The following ZFHX3 variants were observed in gnomAD, a reference collection of about 807,000 sequenced individuals.
ZFHX3 encodes the protein zinc finger homeobox protein 3.
Under a neutral mutation model 279.1 loss-of-function variants are expected in ZFHX3, and 42 were observed. The ratio of observed to expected loss-of-function variants is 0.15; its 90% CI spans 0.12 to 0.19. The LOEUF is 0.19. Among genes scored for constraint, ZFHX3 ranks in the 10% least tolerant of loss-of-function variants. The probability of loss-of-function intolerance (pLI) is 1.00; values close to 1 mark genes in which losing one functional copy is unlikely to be tolerated. For synonymous variants in ZFHX3, 2,293 were observed against 1,957.8 expected (o/e 1.17, Z -4.52); for missense variants, 4,981 against 4,754.0 (o/e 1.05, Z -1.40).
At chr16:73,310,879 G>A (rs1280280681) in intron 4 of ZFHX3, among the ~76,000 whole-genome samples, 3 of 151,830 alleles carry the variant, frequency 2.0e-5, no homozygotes, top group Admixed American at 2.0e-4. Flanking sequence ...AAGAATCAAA[G>A]CTGTGTATAC....
intron 5 of ZFHX3, among the ~76,000 whole-genome samples, chr16:73,178,425 C>T (rs1967715259): frequency 6.6e-6 from 1 of 152,146 alleles, no homozygotes; most frequent in African/African-American, 2.4e-5. Context: ...AGGCGTGAGC[C>T]ACCGCGCCTG....
At chr16:73,813,255 C>G (rs570595887) in intron 1 of ZFHX3, among the ~76,000 whole-genome samples, 1 of 144,222 alleles carries the variant, frequency 6.9e-6, no homozygotes, top group East Asian at 2.0e-4. Context: ...CTCTCTCTCT[C>G]TGTTAAGTTA....
chr16:72,852,685 A>G (rs1034304704), intron 4 of ZFHX3, among the ~76,000 whole-genome samples: 1 of 152,208 alleles, frequency 6.6e-6, no homozygotes, highest in African/African-American at 2.4e-5. Flanking sequence ...TTTTATAAAA[A>G]GTTTCCTTTT....
rs749169446 is a variant in ZFHX3 at position 72,958,016 on chromosome 16, G to A, written c.2130C>T (p.His710=). The A allele has an allele frequency of 5.0e-6, 8 of 1,607,484 alleles. No homozygotes were observed. The highest frequency in any genetic ancestry group is 3.3e-5 in the South Asian group (3 of 90,340). Residue 710 remains histidine, a synonymous_variant, in exon 2 of 10, where the codon CAC becomes CAT. Coordinates refer to ENST00000268489, the MANE Select transcript of ZFHX3 (RefSeq NM_006885.4). The stretch of plus-strand genomic sequence containing the variant: ...AGCTCTCGCCTCGTGCCAGCCGGGG[G>A]TGGGGCTGCCCGCTTTTGCAGTAGA... The part of the protein sequence containing the change: ...SCVYCKSGQP[H]PRLARGESYT...
chr16:73,692,034 T>C (rs1365427925), intron 1 of ZFHX3, among the ~76,000 whole-genome samples: 21 of 152,222 alleles, frequency 1.4e-4, no homozygotes, highest in Admixed American at 1.4e-3. Flanking sequence ...TGTTTTCAGA[T>C]TGACCTTTTC....
intron 2 of ZFHX3, among the ~76,000 whole-genome samples, chr16:73,642,987 G>T (rs899355005): frequency 2.6e-5 from 4 of 152,120 alleles, no homozygotes; most frequent in African/African-American, 9.7e-5. Flanking sequence ...GCCAACAATA[G>T]AATTTGAAGA....
chr16:73,266,969 A>G (rs533827868), intron 4 of ZFHX3, among the ~76,000 whole-genome samples: 5 of 152,330 alleles, frequency 3.3e-5, no homozygotes, highest in Admixed American at 2.0e-4. Flanking sequence ...TGGGTACTGC[A>G]AGGCAGAAAG....
intron 2 of ZFHX3, among the ~76,000 whole-genome samples, chr16:73,673,325 G>A (rs1438783980): frequency 6.6e-6 from 1 of 151,986 alleles, no homozygotes; most frequent in Non-Finnish European, 1.5e-5. Flanking sequence ...ATTATGCTGT[G>A]TAACCTACAT....
intron 3 of ZFHX3, among the ~76,000 whole-genome samples, chr16:73,325,191 G>A (rs1567450965): frequency 1.3e-5 from 2 of 152,008 alleles, no homozygotes; most frequent in Non-Finnish European, 2.9e-5. Context: ...GGTGCCATGA[G>A]GATGGGGAGA....
At position 72,787,664 on chromosome 16, in the gene ZFHX3, G is replaced by C. The variant is rs2035465770; in HGVS notation, c.10612C>G (p.Leu3538Val). 2 of 1,573,492 alleles carry C rather than the reference G, an allele frequency of 1.3e-6. No homozygotes were observed. The highest frequency in any genetic ancestry group is 1.7e-6 in the Non-Finnish European group (2 of 1,159,490). The change falls in exon 10 of 10, where the codon CTC (leucine) becomes GTC (valine). Residue 3538 changes from leucine (L) to valine (V), a missense_variant. Leu to Val is a conservative substitution (Grantham distance 32). Coordinates refer to ENST00000268489, the MANE Select transcript of ZFHX3 (RefSeq NM_006885.4). ...TGACTCAGAGCTTCCTCCCCACAGAGCGCGCTCTCGCACGCCAGGCAGTGG... is the reference window on the plus strand; with the variant it reads ...TGACTCAGAGCTTCCTCCCCACAGACCGCGCTCTCGCACGCCAGGCAGTGG... ...SYHCLACESA[L>V]CGEEALSQHL...
chr16:73,796,459 G>A (rs1959991285), intron 1 of ZFHX3: 1 of 152,220 alleles, frequency 6.6e-6, no homozygotes, highest in South Asian at 2.1e-4. Flanking sequence ...TTTCCAATAA[G>A]AGAGACCAAC....
chr16:73,567,315 G>A (rs2020465829), intron 2 of ZFHX3, among the ~76,000 whole-genome samples: 1 of 152,070 alleles, frequency 6.6e-6, no homozygotes, highest in African/African-American at 2.4e-5. Flanking sequence ...AGGTAGACAT[G>A]AATTCTGGGG....
Position 73,487,789 on chromosome 16 carries a change from A to G in ZFHX3, c.-1546-31531T>C, listed in dbSNP as rs141860052. 8.6e-3 allele frequency: 1,370 copies of G among 158,812 alleles called. 25 individuals carry two copies. The highest frequency in any genetic ancestry group is 0.031 in the African/African-American group (1,289 of 41,652). The allele number at this position is 158,812 out of a possible 1,614,324, so 9.8% of individuals were successfully genotyped here. A position where few individuals can be genotyped will look rare whatever the true frequency, so the allele number is the denominator to read the frequency against. On this transcript the variant is annotated intron_variant, in intron 2 of 17. Coordinates refer to the ZFHX3 transcript ENST00000641206. ...GGCTGATGGGACTTTAGCAAATGTG[A>G]TGCAAGCAGAAGTTTGAAAAGTGCT...
At chr16:73,469,818 A>G (rs1405690915) in intron 2 of ZFHX3, among the ~76,000 whole-genome samples, 1 of 152,006 alleles carries the variant, frequency 6.6e-6, no homozygotes, top group Non-Finnish European at 1.5e-5. Context: ...GGGTTTCACC[A>G]TCTTGGTCAG....
At chr16:73,189,186 G>A (rs1967977931) in intron 5 of ZFHX3, among the ~76,000 whole-genome samples, 1 of 152,196 alleles carries the variant, frequency 6.6e-6, no homozygotes, top group African/African-American at 2.4e-5. Context: ...CTAAGAGGCA[G>A]TATGTTATCC....
chr16:73,098,933 A>G (rs1966198999), intron 7 of ZFHX3: 1 of 152,210 alleles, frequency 6.6e-6, no homozygotes, highest in African/African-American at 2.4e-5. Context: ...CTTCTCAGGT[A>G]TGCTAAAGAA....
chr16:73,346,946 A>G (rs545788546), intron 3 of ZFHX3, among the ~76,000 whole-genome samples: 1 of 152,326 alleles, frequency 6.6e-6, no homozygotes, highest in East Asian at 1.9e-4. Flanking sequence ...GATGATTCCA[A>G]TTAATCTTCA....
chr16:72,987,140 AACAAAGTGAG>A (rs1962882592), intron 1 of ZFHX3, among the ~76,000 whole-genome samples: 1 of 152,200 alleles, frequency 6.6e-6, no homozygotes. Context: ...CAGCCTGGGC[AACAAAGTGAG>A]ATCCTGTCTC....
intron 2 of ZFHX3, among the ~76,000 whole-genome samples, chr16:73,472,832 G>A (rs916818743): frequency 1.2e-4 from 19 of 152,112 alleles, no homozygotes; most frequent in African/African-American, 4.1e-4. Context: ...CTCAGCTGCA[G>A]GTCTCGCCCA....
Sources: gnomAD v4.1 joint callset for allele counts (sites outside exome capture counted in the v4.1 genomes callset) on GRCh38, gnomAD v4.1.1 for gene constraint, MANE v1.5 for transcripts, NCBI Gene and HGNC (gene_info 2026-07-23, HGNC 2026-07-21) for gene names.